TPRG1: variants seen among roughly 807,000 people sequenced by gnomAD.
TPRG1 encodes tumor protein p63-regulated gene 1 protein.
In TPRG1, 29 loss-of-function variants were observed where a neutral mutation model predicts 29.3. The ratio of observed to expected loss-of-function variants is 0.99; its 90% confidence interval spans 0.74 to 1.35. The LOEUF (loss-of-function observed/expected upper bound fraction) is 1.35, where lower values mean the gene tolerates loss of function less well. Ranked by LOEUF, TPRG1 falls within the 40% of genes most tolerant of loss-of-function variation. TPRG1 has a pLI of 0.00. For missense variants in TPRG1, 327 were observed against 335.0 expected (o/e 0.98, Z 0.19); for synonymous variants, 130 against 116.8 (o/e 1.11, Z -0.73).
upstream of TPRG1, among the ~76,000 whole-genome samples, chr3:189,169,322 G>A (rs985476286): frequency 6.6e-6 from 1 of 152,050 alleles, no homozygotes; most frequent in South Asian, 2.1e-4. Flanking sequence ...CCGCCACTGC[G>A]CCCGGCTAAT....
At chr3:189,293,230 G>A (rs1373270938) in intron 4 of TPRG1, among the ~76,000 whole-genome samples, 1 of 152,192 alleles carries the variant, frequency 6.6e-6, no homozygotes, top group African/African-American at 2.4e-5. Flanking sequence ...AGTGTCCTTA[G>A]CTTGGCTCCC....
At chr3:189,191,687 A>G (rs750917387) in intron 1 of TPRG1, among the ~76,000 whole-genome samples, 1 of 152,130 alleles carries the variant, frequency 6.6e-6, no homozygotes, top group African/African-American at 2.4e-5. Flanking sequence ...AACACAAATT[A>G]TCCTTCAGTT....
At chr3:189,239,046 TTAAAC>T (rs1740052794) in intron 4 of TPRG1, 137 bp downstream of exon 4, 6 of 691,728 alleles carry the variant, frequency 8.7e-6, no homozygotes, top group Non-Finnish European at 1.4e-5. Flanking sequence ...GTTGAAATCA[TTAAAC>T]TAGAGTTCCT....
intron 3 of TPRG1, among the ~76,000 whole-genome samples, chr3:189,220,485 A>C (rs778913727): frequency 2.0e-5 from 3 of 152,142 alleles, no homozygotes; most frequent in African/African-American, 7.2e-5. Context: ...TTTGTTACAG[A>C]GGTAAAATTG....
chr3:189,307,365 A>G (rs967588813), intron 4 of TPRG1, among the ~76,000 whole-genome samples: 14 of 152,196 alleles, frequency 9.2e-5, no homozygotes, highest in African/African-American at 3.1e-4. Context: ...ACTTGTTTGT[A>G]ATTGTCTCCT....
At chr3:189,292,612 C>T (rs984886837) in intron 4 of TPRG1, among the ~76,000 whole-genome samples, 1 of 152,176 alleles carries the variant, frequency 6.6e-6, no homozygotes, top group Admixed American at 6.5e-5. Flanking sequence ...CTTACCTCTT[C>T]TTCCCTACTC....
chr3:189,252,132 G>A (rs1224978115), intron 4 of TPRG1, among the ~76,000 whole-genome samples: 1 of 152,154 alleles, frequency 6.6e-6, no homozygotes. Context: ...GTTTAACAAA[G>A]CACATCTTGC....
chr3:189,022,897 C>G (rs924905111), intron 3 of TPRG1, among the ~76,000 whole-genome samples: 1 of 152,226 alleles, frequency 6.6e-6, no homozygotes, highest in Non-Finnish European at 1.5e-5. Context: ...GGGGTAGGAC[C>G]CTCCGAGCCA....
chr3:189,001,571 T>C (rs1442536171), intron 2 of TPRG1, among the ~76,000 whole-genome samples: 1 of 152,196 alleles, frequency 6.6e-6, no homozygotes, highest in African/African-American at 2.4e-5. Context: ...ATCTTCATGA[T>C]CTACTTACCT....
At chr3:189,208,956 A>G (rs1280412714) in intron 2 of TPRG1, among the ~76,000 whole-genome samples, 1 of 152,230 alleles carries the variant, frequency 6.6e-6, no homozygotes, top group East Asian at 1.9e-4. Context: ...GAATAGGCCA[A>G]TCAGTTGGCA....
chr3:189,290,417 T>C (rs531282530), intron 4 of TPRG1, among the ~76,000 whole-genome samples: 1 of 152,314 alleles, frequency 6.6e-6, no homozygotes, highest in Non-Finnish European at 1.5e-5. Context: ...GATGAATCGA[T>C]AGAGTGTGAT....
chr3:189,316,840 A>T (rs777651792), intron 5 of TPRG1, among the ~76,000 whole-genome samples: 2 of 152,174 alleles, frequency 1.3e-5, no homozygotes, highest in Non-Finnish European at 2.9e-5. Context: ...ATATCAGATG[A>T]CACAGCGTTC....
intron 1 of TPRG1, among the ~76,000 whole-genome samples, chr3:189,198,536 C>T (rs1257951010): frequency 2.6e-5 from 4 of 152,204 alleles, no homozygotes; most frequent in South Asian, 2.1e-4. Context: ...ACTGAGCACT[C>T]GCTGTGTATG....
intron 4 of TPRG1, among the ~76,000 whole-genome samples, chr3:189,308,111 A>G (rs1721905240): frequency 6.6e-6 from 1 of 152,242 alleles, no homozygotes; most frequent in Non-Finnish European, 1.5e-5. Flanking sequence ...GTCTCGATAT[A>G]GAGATTCTAA....
chr3:189,296,090 C>T (rs1719873284), intron 4 of TPRG1, among the ~76,000 whole-genome samples: 1 of 152,136 alleles, frequency 6.6e-6, no homozygotes, highest in Non-Finnish European at 1.5e-5. Context: ...GCTGGTCTTA[C>T]CAGGACAGAA....
At position 189,320,698 on chromosome 3, in the gene TPRG1, G is replaced by A; in HGVS notation, c.706G>A (p.Gly236Arg). The change falls in exon 6 of 6, where the codon GGA becomes AGA. Residue 236 changes from glycine (G) to arginine (R), a missense_variant. Physicochemically the swap from Gly to Arg is moderately radical, Grantham distance 125. Transcript: ENST00000345063. ...AHKNSTGSGR[G>R]KKLMVLTEPI... ...CAAGAATTCAACTGGATCTGGAAGA[G>A]GAAAGAAACTGATGGTGTTAACTGA... 6.2e-7 allele frequency: 1 copy of A among 1,612,750 alleles called. No homozygotes were observed.
chr3:189,074,712 T>C (rs972927804), intron 4 of TPRG1, among the ~76,000 whole-genome samples: 8 of 152,224 alleles, frequency 5.3e-5, no homozygotes, highest in Non-Finnish European at 1.0e-4. Context: ...ATATATTCTT[T>C]CATTAATTAT....
At chr3:189,097,008 A>G (rs950503226), upstream of TPRG1, among the ~76,000 whole-genome samples, 2 of 152,198 alleles carry the variant, frequency 1.3e-5, no homozygotes, top group African/African-American at 4.8e-5. Flanking sequence ...GTACTCAGTT[A>G]TATTAAAATT....
At chr3:189,308,472 G>A (rs1031554942) in intron 4 of TPRG1, among the ~76,000 whole-genome samples, 1 of 152,186 alleles carries the variant, frequency 6.6e-6, no homozygotes, top group African/African-American at 2.4e-5. Flanking sequence ...TTGCTGGATG[G>A]CCTGAGAAGC....
Sources: allele counts gnomAD v4.1 joint callset (sites outside exome capture counted in the v4.1 genomes callset), GRCh38; gene constraint gnomAD v4.1.1; transcripts MANE v1.5; gene names NCBI Gene and HGNC (gene_info 2026-07-23, HGNC 2026-07-21).